CDKN2B-AS1: variants seen among roughly 807,000 people sequenced by gnomAD.
CDKN2B-AS1 encodes CDKN2B and CDKN2A antisense cis and trans regulatory RNA 1.
chr9:22,054,086 A>C (rs1823461075), intron 3 of CDKN2B-AS1, among the ~76,000 whole-genome samples: 1 of 152,228 alleles, frequency 6.6e-6, no homozygotes, highest in Non-Finnish European at 1.5e-5. Context: ...TTTCTTGTGC[A>C]CATACTATAA....
At chr9:22,110,762 T>C (rs1340884517) in intron 4 of CDKN2B-AS1, among the ~76,000 whole-genome samples, 1 of 152,178 alleles carries the variant, frequency 6.6e-6, no homozygotes, top group African/African-American at 2.4e-5. Context: ...AGATGCCCTG[T>C]ATTTCCTCCC....
In CDKN2B-AS1 at chr9:21,999,610, CTATA is replaced by C. The variant is rs1027972632; in HGVS notation, n.29+4452_29+4455del. 3.3e-5 allele frequency among the ~76,000 whole-genome samples: 5 copies of C among 152,024 alleles called. No homozygotes were observed. Among genetic ancestry groups the C allele is most frequent in the African/African-American group, 7.2e-5 (3 of 41,406 alleles). On this transcript the variant is annotated intron_variant and non_coding_transcript_variant, in intron 1 of 4. Coordinates refer to ENST00000650946, the Ensembl canonical transcript of CDKN2B-AS1. The surrounding 1 kb of genome is among the most constrained non-coding windows in gnomAD (Gnocchi z 4.7). ...TAACTTCAGCTAAAGCAATTCACTCCTATATAAATTGCTACAGATAACTTGTATA... is the reference window on the plus strand; with the variant it reads ...TAACTTCAGCTAAAGCAATTCACTCCTAAATTGCTACAGATAACTTGTATA...
chr9:22,053,471 G>C (rs1455265900), intron 3 of CDKN2B-AS1, among the ~76,000 whole-genome samples: 1 of 152,172 alleles, frequency 6.6e-6, no homozygotes, highest in Admixed American at 6.6e-5. Flanking sequence ...TAGCAGCTTG[G>C]CAGATAATTC....
At chr9:22,093,391 C>T (rs1257093017) in intron 4 of CDKN2B-AS1, among the ~76,000 whole-genome samples, 3 of 116,358 alleles carry the variant, frequency 2.6e-5, no homozygotes, top group Admixed American at 9.3e-5. Flanking sequence ...CTTTCTGTCT[C>T]GTTGATCTGT....
At chr9:22,014,917 A>C (rs1050432057) in intron 1 of CDKN2B-AS1, among the ~76,000 whole-genome samples, 5 of 152,018 alleles carry the variant, frequency 3.3e-5, no homozygotes, top group Non-Finnish European at 1.5e-5. Context: ...AATTTCATCC[A>C]TGTCCCTACA....
intron 4 of CDKN2B-AS1, among the ~76,000 whole-genome samples, chr9:22,072,224 A>G (rs992588420): frequency 1.3e-5 from 2 of 152,226 alleles, no homozygotes; most frequent in Non-Finnish European, 2.9e-5. Context: ...TCTCTAAATG[A>G]CATTATCATA....
intron 4 of CDKN2B-AS1, among the ~76,000 whole-genome samples, chr9:22,086,981 C>T (rs189791973): frequency 1.8e-4 from 27 of 152,304 alleles, no homozygotes; most frequent in Admixed American, 5.2e-4. Context: ...GAATTGCCTA[C>T]GCAGGGAAGT....
rs1193835042 is a variant in CDKN2B-AS1 at position 22,001,455 on chromosome 9, G to C, written n.29+6294G>C. ...TACATTGTTCTTAGTTCTTTTTCCA[G>C]CAAACTCTTTTGTTTTACATTTAGT... is the stretch of plus-strand genomic sequence containing the variant. On this transcript the variant is annotated intron_variant and non_coding_transcript_variant, in intron 1 of 4. Transcript: ENST00000650946. The surrounding 1 kb of genome is among the most constrained non-coding windows in gnomAD (Gnocchi z 4.2). 6.6e-6 allele frequency among the ~76,000 whole-genome samples: 1 copy of C among 152,050 alleles called. No individual in the cohort carries two copies. The highest frequency in any genetic ancestry group is 2.1e-4 in the South Asian group (1 of 4,836).
chr9:22,003,082 T>C (rs1820993230), intron 1 of CDKN2B-AS1: 1 of 213,026 alleles, frequency 4.7e-6, no homozygotes, highest in African/African-American at 2.3e-5. Flanking sequence ...AGTAACTATA[T>C]GTTTTGCATG....
chr9:22,008,247 T>C (rs1307987301), intron 1 of CDKN2B-AS1, among the ~76,000 whole-genome samples: 1 of 152,194 alleles, frequency 6.6e-6, no homozygotes, highest in Admixed American at 6.5e-5. Context: ...ATATATTTTT[T>C]CTCTTATGCA....
At chr9:22,091,901 A>C (rs1056185913) in intron 4 of CDKN2B-AS1, among the ~76,000 whole-genome samples, 23 of 152,144 alleles carry the variant, frequency 1.5e-4, no homozygotes, top group African/African-American at 4.1e-4. Flanking sequence ...GTCTTGTGCC[A>C]GTTTTCAAAG....
At position 22,039,542 on chromosome 9, in the gene CDKN2B-AS1, C is replaced by T. The variant is rs1822819005; in HGVS notation, n.30-7209C>T. ...ACTGTAAGCTTCTAGGAGGTAGAGGCCAGCATTATTTTCTCCATTTTTGGA... is the reference window on the plus strand; with the variant it reads ...ACTGTAAGCTTCTAGGAGGTAGAGGTCAGCATTATTTTCTCCATTTTTGGA... On this transcript the variant is annotated intron_variant and non_coding_transcript_variant, in intron 1 of 4. Transcript: ENST00000650946. This position sits in a 1 kb window ranked among gnomAD's most constrained non-coding sequence, Gnocchi z 4.4. Among the ~76,000 whole-genome samples, 1 of 151,816 alleles carries T rather than the reference C, an allele frequency of 6.6e-6. No individual in the cohort carries two copies. Among genetic ancestry groups the T allele is most frequent in the Non-Finnish European group, 1.5e-5 (1 of 67,934 alleles).
At chr9:22,014,865 G>GT (rs1297414838) in intron 1 of CDKN2B-AS1, among the ~76,000 whole-genome samples, 1 of 149,738 alleles carries the variant, frequency 6.7e-6, no homozygotes, top group African/African-American at 2.4e-5. Context: ...GCGGTGTTTG[G>GT]TTTTTTGTCC....
chr9:22,098,943 C>A (rs1464344326), intron 4 of CDKN2B-AS1, among the ~76,000 whole-genome samples: 1 of 152,004 alleles, frequency 6.6e-6, no homozygotes, highest in Non-Finnish European at 1.5e-5. Flanking sequence ...TTTTGTAATG[C>A]AAGAAAAATA....
intron 1 of CDKN2B-AS1, among the ~76,000 whole-genome samples, chr9:22,024,134 A>G (rs902230244): frequency 6.6e-6 from 1 of 152,100 alleles, no homozygotes; most frequent in Non-Finnish European, 1.5e-5. Context: ...ATCCTATTTG[A>G]TGACCTTGAG....
chr9:22,072,568 T>C (rs1824339374), intron 4 of CDKN2B-AS1, among the ~76,000 whole-genome samples: 1 of 152,244 alleles, frequency 6.6e-6, no homozygotes, highest in Non-Finnish European at 1.5e-5. Flanking sequence ...AGGGGAATAG[T>C]GATATCTCCC....
intron 1 of CDKN2B-AS1, among the ~76,000 whole-genome samples, chr9:22,025,937 C>A (rs564829812): frequency 6.6e-6 from 1 of 152,276 alleles, no homozygotes; most frequent in Non-Finnish European, 1.5e-5. Context: ...CTAAGTTGTT[C>A]TAACAGCAAA....
intron 4 of CDKN2B-AS1, among the ~76,000 whole-genome samples, chr9:22,106,706 AAGG>A (rs1210620754): frequency 6.6e-6 from 1 of 152,190 alleles, no homozygotes; most frequent in African/African-American, 2.4e-5. Flanking sequence ...ATAACTGGGG[AAGG>A]AGAAGGGGCC....
At chr9:22,009,073 G>A in intron 1 of CDKN2B-AS1, 1 of 1,471,738 alleles carries the variant, frequency 6.8e-7, no homozygotes, top group Admixed American at 1.8e-5. Context: ...GGAGACCTGG[G>A]CTCAGCTTCA....
Sources: gnomAD v4.1 joint callset for allele counts (sites outside exome capture counted in the v4.1 genomes callset) on GRCh38, gnomAD v4.1.1 for gene constraint, Gnocchi (gnomAD v3.1) non-coding constraint, MANE v1.5 for transcripts, NCBI Gene and HGNC (gene_info 2026-07-23, HGNC 2026-07-21) for gene names.